The following ARAP2 variants were observed in gnomAD, a reference collection of about 807,000 sequenced individuals.
The protein encoded by ARAP2 is ArfGAP with RhoGAP domain, ankyrin repeat and PH domain 2.
A neutral mutation model predicts 194.5 loss-of-function variants in ARAP2; 148 were observed. That is an observed-to-expected ratio of 0.76 (90% CI 0.67 to 0.87). ARAP2 has a LOEUF of 0.87. ARAP2 is among the 40% of genes least tolerant of loss of function. The probability of loss-of-function intolerance (pLI) is 0.00; values close to 1 mark genes in which losing one functional copy is unlikely to be tolerated. For synonymous variants in ARAP2, 695 were observed against 683.5 expected, an observed-to-expected ratio of 1.02 and a Z score of -0.26; for missense variants, 2,128 against 1,989.7, an observed-to-expected ratio of 1.07 and a Z score of -1.32.
At chr4:36,203,616 TG>T (rs1744915621) in intron 6 of ARAP2, among the ~76,000 whole-genome samples, 1 of 151,434 alleles carries the variant, frequency 6.6e-6, no homozygotes, top group South Asian at 2.1e-4. Flanking sequence ...CAAAAAAAAC[TG>T]GTTACCAGGC....
At chr4:36,231,314 G>C (rs186920773) in intron 1 of ARAP2, among the ~76,000 whole-genome samples, 112 of 151,904 alleles carry the variant, frequency 7.4e-4, no homozygotes, top group African/African-American at 2.5e-3. Context: ...CCAGCCTGGA[G>C]ACAGAGCGAG....
chr4:36,210,002 T>A (rs1270859411), intron 6 of ARAP2, among the ~76,000 whole-genome samples: 1 of 152,194 alleles, frequency 6.6e-6, no homozygotes, highest in Non-Finnish European at 1.5e-5. Context: ...AACAGAACAC[T>A]GTTATGATAT....
intron 5 of ARAP2, among the ~76,000 whole-genome samples, chr4:36,044,015 T>C (rs1721395665): frequency 1.3e-5 from 2 of 152,154 alleles, no homozygotes; most frequent in Admixed American, 6.6e-5. Flanking sequence ...GTAATGCTTC[T>C]GGATGACATA....
chr4:36,082,018 A>G (rs974313227), intron 30 of ARAP2, among the ~76,000 whole-genome samples: 1 of 152,192 alleles, frequency 6.6e-6, no homozygotes, highest in African/African-American at 2.4e-5. Flanking sequence ...TAACTATGGA[A>G]GAAATCAGGC....
chr4:36,211,823 A>G (rs1365580799), intron 5 of ARAP2, among the ~76,000 whole-genome samples: 1 of 152,110 alleles, frequency 6.6e-6, no homozygotes, highest in African/African-American at 2.4e-5. Flanking sequence ...ATATACATCT[A>G]CTATGTAATC....
At chr4:36,214,936 C>T (rs947877305) in intron 2 of ARAP2, among the ~76,000 whole-genome samples, 2 of 152,026 alleles carry the variant, frequency 1.3e-5, no homozygotes, top group African/African-American at 4.8e-5. Flanking sequence ...ATGTGTCTGG[C>T]TCTGTAGACA....
chr4:36,103,102 T>C (rs1238058267), intron 27 of ARAP2, among the ~76,000 whole-genome samples: 2 of 151,774 alleles, frequency 1.3e-5, no homozygotes, highest in African/African-American at 4.8e-5. Context: ...AGTTCATAGA[T>C]AGTGAATGGC....
At chr4:36,161,978 G>C (rs1734134940) in intron 11 of ARAP2, among the ~76,000 whole-genome samples, 1 of 151,804 alleles carries the variant, frequency 6.6e-6, no homozygotes, top group Non-Finnish European at 1.5e-5. Context: ...CGAGGTGGCA[G>C]GCACCTGTAG....
rs1730207792 is a variant in ARAP2 at position 36,148,599 on chromosome 4, T to A, written c.2898-92A>T. On this transcript the variant is annotated intron_variant, in intron 16 of 32. Transcript: ENST00000303965. ...AAGGTCATGTTTTTAATTAAATTCC[T>A]TTTAAAATAAACTAATGTTATGAAA... 8 of 896,580 alleles carry A rather than the reference T, an allele frequency of 8.9e-6. 1 individual carries two copies. The South Asian group carries it at 1.4e-4, about 15-fold the overall frequency. The allele number at this position is 896,580 out of a possible 1,614,324, so 55.5% of individuals were successfully genotyped here. A position where few individuals can be genotyped will look rare whatever the true frequency, so the allele number is the denominator to read the frequency against.
Position 36,147,711 on chromosome 4 carries a change from T to G in ARAP2, c.3036A>C (p.Glu1012Asp). The change falls in exon 18 of 33, where the codon GAA (glutamate) becomes GAC (aspartate). Residue 1012 changes from glutamate to aspartate, a missense_variant. Transcript: ENST00000303965. Reference sequence around the variant, plus strand: ...GTTGACCAATCAAATCATAGTCAGCTTCTGTTAAGTTTTCAGCAAATAAGG... The same window carrying G: ...GTTGACCAATCAAATCATAGTCAGCGTCTGTTAAGTTTTCAGCAAATAAGG... ...FVPLFAENLT[E>D]ADYDLIGQLF... is the part of the protein sequence containing the mutation. The G allele has an allele frequency of 6.2e-7, 1 of 1,611,768 alleles. No homozygotes were observed. The highest frequency in any genetic ancestry group is 8.5e-7 in the Non-Finnish European group (1 of 1,179,172).
At chr4:36,100,566 A>G (rs1376164354) in intron 27 of ARAP2, among the ~76,000 whole-genome samples, 1 of 152,084 alleles carries the variant, frequency 6.6e-6, no homozygotes, top group African/African-American at 2.4e-5. Flanking sequence ...ATTCAAAATT[A>G]TGCATATTTT....
intron 3 of ARAP2, among the ~76,000 whole-genome samples, chr4:36,214,095 G>A (rs1221614116): frequency 1.2e-4 from 19 of 152,060 alleles, no homozygotes; most frequent in Admixed American, 1.2e-3. Flanking sequence ...ATCACTTTCC[G>A]TACATATATC....
intron 5 of ARAP2, among the ~76,000 whole-genome samples, chr4:36,040,978 C>G (rs920180531): frequency 6.6e-6 from 1 of 151,560 alleles, no homozygotes; most frequent in African/African-American, 2.4e-5. Context: ...TTGTAGATGG[C>G]TCTTATTATT....
intron 9 of ARAP2, among the ~76,000 whole-genome samples, chr4:36,177,067 T>C (rs1249601821): frequency 1.3e-5 from 2 of 150,370 alleles, no homozygotes; most frequent in Middle Eastern, 3.5e-3. Flanking sequence ...AATTATATAT[T>C]ATACATATTA....
chr4:36,121,117 T>C, intron 23 of ARAP2, 62 bp downstream of exon 23: 1 of 1,284,100 alleles, frequency 7.8e-7, no homozygotes, highest in Non-Finnish European at 1.1e-6. Context: ...ACAACATAAA[T>C]ATTTGTTGGC....
intron 32 of ARAP2, 27 bp from the exon 33 acceptor site, chr4:36,068,305 G>A (rs1725990175): frequency 1.3e-6 from 2 of 1,501,274 alleles, no homozygotes; most frequent in South Asian, 2.8e-5. Context: ...ATGTCTCACA[G>A]GGAAGCAAGA....
At chr4:36,209,320 A>G (rs1294311594) in intron 6 of ARAP2, 1 of 441,534 alleles carries the variant, frequency 2.3e-6, no homozygotes, top group African/African-American at 2.0e-5. Context: ...AAGAACAAGC[A>G]GAGGGTTTTG....
At chr4:36,064,434 CAGAA>C (rs2109285302), downstream of ARAP2, among the ~76,000 whole-genome samples, 1 of 152,272 alleles carries the variant, frequency 6.6e-6, no homozygotes, top group East Asian at 1.9e-4. Context: ...GGTTGGATTT[CAGAA>C]AGTCCTCTTG....
chr4:36,042,860 T>TC (rs1243533050), intron 5 of ARAP2, among the ~76,000 whole-genome samples: 2 of 151,758 alleles, frequency 1.3e-5, no homozygotes, highest in Non-Finnish European at 2.9e-5. Context: ...TTTTTTTTTT[T>TC]CAAACAGGGT....
Sources: allele counts gnomAD v4.1 joint callset (sites outside exome capture counted in the v4.1 genomes callset), GRCh38; gene constraint gnomAD v4.1.1; transcripts MANE v1.5; gene names NCBI Gene and HGNC (gene_info 2026-07-23, HGNC 2026-07-21).